Variants in APOBEC2 observed in about 807,000 individuals in gnomAD.
APOBEC2 encodes the protein apolipoprotein B mRNA editing enzyme catalytic subunit 2, also known as C->U-editing enzyme APOBEC-2.
A neutral mutation model predicts 19.4 loss-of-function variants in APOBEC2; 14 were observed. That is an observed-to-expected ratio of 0.72 (90% CI 0.48 to 1.13). The LOEUF is 1.13. Ranked by LOEUF, APOBEC2 falls within the 50% of genes most tolerant of loss-of-function variation. APOBEC2 has a pLI of 0.00. For missense variants in APOBEC2, 304 were observed against 277.0 expected (o/e 1.10, Z -0.69); for synonymous variants, 127 against 112.1 (o/e 1.13, Z -0.84).
At chr6:41,063,534 C>CTTTTTTTTTTTTTTT (rs34638825) in intron 2 of APOBEC2, among the ~76,000 whole-genome samples, 1 of 85,366 alleles carries the variant, frequency 1.2e-5, no homozygotes, top group Non-Finnish European at 2.0e-5. Flanking sequence ...GTCCTTAGAG[C>CTTTTTTTTTTTTTTT]TTTTTTTTTT....
At chr6:41,059,581 C>T (rs964255170) in intron 1 of APOBEC2, among the ~76,000 whole-genome samples, 3 of 152,274 alleles carry the variant, frequency 2.0e-5, no homozygotes, top group South Asian at 2.1e-4. Flanking sequence ...ACTAGGGACA[C>T]AGGGGCTTAG....
rs1398021758 is a variant in APOBEC2 at position 41,061,908 on chromosome 6, G to A, written c.*21+16G>A. 6.3e-7 allele frequency: 1 copy of A among 1,585,568 alleles called. No homozygotes were observed. The highest frequency in any genetic ancestry group is 1.3e-5 in the African/African-American group (1 of 74,124). On this transcript the variant is annotated intron_variant, in intron 2 of 2. Coordinates refer to ENST00000244669, the MANE Select transcript of APOBEC2 (RefSeq NM_006789.4). The stretch of plus-strand genomic sequence containing the variant: ...TTTGCCTCACGTGAGTTTTCCTGGT[G>A]CCATGGCACCAACACTTTATTATGT...
chr6:41,059,681 A>G (rs1254091732), intron 1 of APOBEC2, among the ~76,000 whole-genome samples: 1 of 152,216 alleles, frequency 6.6e-6, no homozygotes, highest in Non-Finnish European at 1.5e-5. Context: ...ACAGCACGGG[A>G]CATGGAAACT....
In APOBEC2 at chr6:41,064,239, TA is replaced by T. The variant is rs907958953; in HGVS notation, c.*161del. 3.3e-5 allele frequency: 5 copies of T among 152,562 alleles called. No homozygotes were observed. Among genetic ancestry groups the T allele is most frequent in the Non-Finnish European group, 5.9e-5 (4 of 68,032 alleles). The allele number at this position is 152,562 out of a possible 1,614,324, so 9.5% of individuals were successfully genotyped here. A position where few individuals can be genotyped will look rare whatever the true frequency, so the allele number is the denominator to read the frequency against. ...GACAAGGCCCTTAGAGGACTTGAAA[TA>T]TACTTCTCATGCTGTAGTTTATTTA... On this transcript the variant is annotated 3_prime_UTR_variant, in exon 3 of 3. Transcript: ENST00000244669.
intron 2 of APOBEC2, among the ~76,000 whole-genome samples, chr6:41,063,279 C>T (rs1016502864): frequency 6.6e-6 from 1 of 152,186 alleles, no homozygotes; most frequent in African/African-American, 2.4e-5. Flanking sequence ...TGGTACTCTG[C>T]TCACATAAAA....
chr6:41,056,290 C>G (rs1324652359), intron 1 of APOBEC2, among the ~76,000 whole-genome samples: 1 of 152,112 alleles, frequency 6.6e-6, no homozygotes, highest in Admixed American at 6.5e-5. Flanking sequence ...CCCAGCTAAT[C>G]TTTGTATTTT....
intron 1 of APOBEC2, among the ~76,000 whole-genome samples, chr6:41,058,886 C>T (rs934254564): frequency 2.6e-5 from 4 of 152,232 alleles, no homozygotes; most frequent in Non-Finnish European, 4.4e-5. Flanking sequence ...GAAAGCACTT[C>T]TTTTCCTGAG....
chr6:41,054,576 T>C (rs1038929056), intron 1 of APOBEC2, among the ~76,000 whole-genome samples: 1 of 152,198 alleles, frequency 6.6e-6, no homozygotes, highest in Non-Finnish European at 1.5e-5. Flanking sequence ...CCAGCTCAGA[T>C]GTTTTCTGAT....
intron 2 of APOBEC2, 67 bp from the exon 3 acceptor site, chr6:41,064,034 G>T (rs1305752887): frequency 2.0e-5 from 3 of 152,492 alleles, no homozygotes; most frequent in African/African-American, 7.2e-5. Flanking sequence ...AGTTCAAAAA[G>T]AAACTAGTCA....
chr6:41,064,569 G>A lies in APOBEC2; in HGVS notation c.*490G>A, dbSNP rs1172134033. 2 of 152,194 alleles carry A rather than the reference G, an allele frequency of 1.3e-5. No homozygotes were observed. The highest frequency in any genetic ancestry group is 4.8e-5 in the African/African-American group (2 of 41,440). The allele number at this position is 152,194 out of a possible 1,614,324, so 9.4% of individuals were successfully genotyped here. On this transcript the variant is annotated 3_prime_UTR_variant, in exon 3 of 3. Transcript: ENST00000244669. The stretch of plus-strand genomic sequence containing the variant: ...AACATCTGGAAGTTGCCACAGACAA[G>A]CGAGCTAGTCCAGACACAGGGACAC...
At chr6:41,054,690 A>AT (rs1410724139) in intron 1 of APOBEC2, among the ~76,000 whole-genome samples, 1 of 152,130 alleles carries the variant, frequency 6.6e-6, no homozygotes, top group East Asian at 1.9e-4. Flanking sequence ...CCCTCATCCT[A>AT]GGATTAAGGG....
At chr6:41,056,690 C>CT (rs1481171502) in intron 1 of APOBEC2, among the ~76,000 whole-genome samples, 1 of 152,214 alleles carries the variant, frequency 6.6e-6, no homozygotes, top group African/African-American at 2.4e-5. Context: ...AGCACTTTGT[C>CT]TTTTTCACTG....
Position 41,053,454 on chromosome 6 carries a change from TGC to T in APOBEC2, c.108_109del (p.Pro37AlafsTer3), listed in dbSNP as rs1422659744. 1 of 1,614,102 alleles carries T rather than the reference TGC, an allele frequency of 6.2e-7. No homozygotes were observed. Among genetic ancestry groups the T allele is most frequent in the African/African-American group, 1.3e-5 (1 of 74,952 alleles). ...GAGAAGCTGAAAGAGCTGATTGAGC[TGC>T]CGCCCTTTGAGATTGTCACAGGGTA... On this transcript the variant is annotated frameshift_variant, in exon 1 of 3. Coordinates refer to ENST00000244669, the MANE Select transcript of APOBEC2 (RefSeq NM_006789.4). LOFTEE classifies it high-confidence loss of function.
intron 1 of APOBEC2, among the ~76,000 whole-genome samples, chr6:41,054,369 C>T (rs958349250): frequency 3.9e-5 from 6 of 152,174 alleles, no homozygotes; most frequent in Non-Finnish European, 1.5e-5. Context: ...TTCATGGGGT[C>T]TCCAGGAATG....
At chr6:41,062,882 C>T (rs1342803015) in intron 2 of APOBEC2, among the ~76,000 whole-genome samples, 1 of 152,104 alleles carries the variant, frequency 6.6e-6, no homozygotes, top group Admixed American at 6.5e-5. Context: ...ATGACGAAGC[C>T]CCCTTTGCAA....
intron 1 of APOBEC2, among the ~76,000 whole-genome samples, chr6:41,057,751 T>C (rs1762813176): frequency 6.6e-6 from 1 of 152,216 alleles, no homozygotes; most frequent in South Asian, 2.1e-4. Context: ...CAGCTTCAAC[T>C]GCCCTCTGGG....
In APOBEC2 at chr6:41,061,494, G is replaced by A. The variant is rs1241781034; in HGVS notation, c.298G>A (p.Glu100Lys). The stretch of plus-strand genomic sequence containing the variant: ...GGATGAGCATGCGGCTGCCCATGCA[G>A]AGGAAGCTTTCTTCAACACCATCCT... ...LEDEHAAAHA[E>K]EAFFNTILPA... The change falls in exon 2 of 3, where the codon GAG (glutamate) becomes AAG (lysine). Residue 100 changes from glutamate to lysine, a missense_variant. Transcript: ENST00000244669. 3.1e-6 allele frequency: 5 copies of A among 1,613,906 alleles called. No homozygotes were observed. The highest frequency in any genetic ancestry group is 2.7e-5 in the African/African-American group (2 of 74,958).
At chr6:41,060,715 GAGA>G (rs1378336097) in intron 1 of APOBEC2, among the ~76,000 whole-genome samples, 10 of 152,240 alleles carry the variant, frequency 6.6e-5, no homozygotes, top group African/African-American at 2.4e-4. Context: ...GTAGTCACTT[GAGA>G]AGGAGAGCAT....
intron 1 of APOBEC2, among the ~76,000 whole-genome samples, chr6:41,060,246 G>A (rs1762854543): frequency 1.3e-5 from 2 of 152,080 alleles, no homozygotes; most frequent in South Asian, 2.1e-4. Flanking sequence ...TCATCACCAA[G>A]TTTAGTGTCC....
Sources: allele counts gnomAD v4.1 joint callset (sites outside exome capture counted in the v4.1 genomes callset), GRCh38; gene constraint gnomAD v4.1.1; transcripts MANE v1.5; gene names NCBI Gene and HGNC (gene_info 2026-07-23, HGNC 2026-07-21).